GULP1: variants seen among roughly 807,000 people sequenced by gnomAD.
GULP1 encodes PTB domain-containing engulfment adapter protein 1.
In GULP1, 19 loss-of-function variants were observed where a neutral mutation model predicts 40.9. That is an observed-to-expected ratio of 0.46 (90% confidence interval 0.32 to 0.68). The LOEUF (loss-of-function observed/expected upper bound fraction) is 0.68, where lower values mean the gene tolerates loss of function less well. GULP1 is among the 30% of genes least tolerant of loss of function. The pLI is 0.03. For synonymous variants in GULP1, 119 were observed against 117.6 expected (o/e 1.01, Z -0.08); for missense variants, 312 against 362.2 (o/e 0.86, Z 1.12).
At chr2:188,483,706 T>A (rs532133124) in intron 4 of GULP1, among the ~76,000 whole-genome samples, 4 of 152,230 alleles carry the variant, frequency 2.6e-5, no homozygotes, top group Admixed American at 6.5e-5. Context: ...ACTGTTTTAG[T>A]CAAACGTGTT....
chr2:188,357,470 G>A lies in GULP1; in HGVS notation c.-171-26293G>A, dbSNP rs1339086545. Among the ~76,000 whole-genome samples the A allele has an allele frequency of 2.6e-5, 4 of 152,124 alleles. No individual in the cohort carries two copies. In the East Asian group the frequency reaches 5.8e-4, roughly 22 times the overall value. On this transcript the variant is annotated intron_variant, in intron 1 of 11. Coordinates refer to ENST00000409830, the MANE Select transcript of GULP1 (RefSeq NM_016315.4). ...AAACGCTTGACATCGCTAGTCATCA[G>A]GGTAGTGCATATCAAAACTATGATG... is the stretch of plus-strand genomic sequence containing the variant.
intron 2 of GULP1, among the ~76,000 whole-genome samples, chr2:188,407,438 A>G (rs971331693): frequency 6.6e-6 from 1 of 152,250 alleles, no homozygotes; most frequent in African/African-American, 2.4e-5. Context: ...AAAAAGTAGT[A>G]ATAACTACAA....
chr2:188,410,152 A>G (rs1366642868), intron 2 of GULP1, among the ~76,000 whole-genome samples: 2 of 152,196 alleles, frequency 1.3e-5, no homozygotes, highest in African/African-American at 2.4e-5. Context: ...ATGGAGAAGA[A>G]TGAAATTAGA....
At chr2:188,579,105 G>A (rs537250515) in intron 9 of GULP1, among the ~76,000 whole-genome samples, 1 of 152,032 alleles carries the variant, frequency 6.6e-6, no homozygotes. Context: ...TTTTTATAGG[G>A]AATTACATAT....
chr2:188,522,709 A>G, intron 4 of GULP1, 47 bp from the exon 5 acceptor site: 1 of 1,121,330 alleles, frequency 8.9e-7, no homozygotes, highest in Non-Finnish European at 1.4e-6. Context: ...TGATGCAATG[A>G]TATATGATAT....
In GULP1 at chr2:188,459,154, A is replaced by G. The variant is rs139758542; in HGVS notation, c.-44-18505A>G. ...TATTGTGAACAGAGCTGCAACAAAC[A>G]TGAAAGTGCAGTTATCGCTTTGACA... On this transcript the variant is annotated intron_variant, in intron 2 of 11. Coordinates refer to ENST00000409830, the MANE Select transcript of GULP1 (RefSeq NM_016315.4). Among the ~76,000 whole-genome samples the G allele has an allele frequency of 5.3e-5, 8 of 152,308 alleles. No individual in the cohort carries two copies. In the East Asian group the frequency reaches 1.5e-3, roughly 29 times the overall value.
chr2:188,348,523 C>A (rs968602576), intron 1 of GULP1, among the ~76,000 whole-genome samples: 1 of 152,136 alleles, frequency 6.6e-6, no homozygotes, highest in Non-Finnish European at 1.5e-5. Flanking sequence ...ATTCCTCTCC[C>A]ATGAAGATGG....
At chr2:188,555,864 G>A (rs1360438313) in intron 7 of GULP1, among the ~76,000 whole-genome samples, 1 of 149,344 alleles carries the variant, frequency 6.7e-6, no homozygotes, top group East Asian at 2.0e-4. Flanking sequence ...TTTGAGACCA[G>A]CCTGGCCAAT....
chr2:188,546,481 C>G (rs80183035), intron 7 of GULP1, among the ~76,000 whole-genome samples: 2 of 151,854 alleles, frequency 1.3e-5, no homozygotes, highest in African/African-American at 4.8e-5. Context: ...CATTAAATAG[C>G]GATTCACAAA....
At chr2:188,419,439 T>C (rs574709511) in intron 2 of GULP1, among the ~76,000 whole-genome samples, 53 of 152,296 alleles carry the variant, frequency 3.5e-4, no homozygotes, top group Non-Finnish European at 5.7e-4. Context: ...ATTTGCATTT[T>C]CCTGTTGGAT....
At chr2:188,359,168 A>G (rs1015422034) in intron 1 of GULP1, among the ~76,000 whole-genome samples, 1 of 152,152 alleles carries the variant, frequency 6.6e-6, no homozygotes, top group Non-Finnish European at 1.5e-5. Context: ...AAGTATCTGT[A>G]AGCTGATATG....
At chr2:188,560,776 T>C (rs1011941670) in intron 7 of GULP1, among the ~76,000 whole-genome samples, 1 of 152,164 alleles carries the variant, frequency 6.6e-6, no homozygotes, top group Non-Finnish European at 1.5e-5. Flanking sequence ...GGTGCAGCCA[T>C]GGCTTACATG....
In GULP1 at chr2:188,367,214, T is replaced by A. The variant is rs190647039; in HGVS notation, c.-171-16549T>A. On this transcript the variant is annotated intron_variant, in intron 1 of 11. Coordinates refer to ENST00000409830, the MANE Select transcript of GULP1 (RefSeq NM_016315.4). ...AATGAATACATTTCAGTTACTGGAA[T>A]GATGTCCCACTGTTTATAGTTTTTC... is the stretch of plus-strand genomic sequence containing the variant. Among the ~76,000 whole-genome samples, 48 of 152,356 alleles carry A rather than the reference T, an allele frequency of 3.2e-4. No homozygotes were observed. In the East Asian group the frequency reaches 9.1e-3, roughly 29 times the overall value.
chr2:188,364,928 G>GTATATA (rs34653781), intron 1 of GULP1, among the ~76,000 whole-genome samples: 1 of 148,384 alleles, frequency 6.7e-6, no homozygotes, highest in Non-Finnish European at 1.5e-5. Context: ...ATATATATGT[G>GTATATA]TATATATATA....
At chr2:188,343,747 G>C (rs1182516851) in intron 1 of GULP1, among the ~76,000 whole-genome samples, 1 of 152,100 alleles carries the variant, frequency 6.6e-6, no homozygotes, top group African/African-American at 2.4e-5. Context: ...CCTATACTGT[G>C]ATCTAAGTTC....
chr2:188,360,365 C>T (rs2045924541), intron 1 of GULP1, among the ~76,000 whole-genome samples: 1 of 152,166 alleles, frequency 6.6e-6, no homozygotes, highest in East Asian at 1.9e-4. Flanking sequence ...CCATAGGCAA[C>T]TCAATATTTT....
intron 7 of GULP1, among the ~76,000 whole-genome samples, chr2:188,556,370 T>C (rs969857862): frequency 1.3e-5 from 2 of 152,156 alleles, no homozygotes; most frequent in Non-Finnish European, 2.9e-5. Context: ...AGTCCTTAAG[T>C]TCTAGAATTT....
chr2:188,372,245 G>A (rs995190740), intron 1 of GULP1, among the ~76,000 whole-genome samples: 1 of 152,076 alleles, frequency 6.6e-6, no homozygotes, highest in Non-Finnish European at 1.5e-5. Flanking sequence ...TAGTTCTCCA[G>A]AGGAGTTACC....
At chr2:188,343,871 C>T (rs2043282827) in intron 1 of GULP1, among the ~76,000 whole-genome samples, 2 of 152,110 alleles carry the variant, frequency 1.3e-5, no homozygotes, top group African/African-American at 2.4e-5. Flanking sequence ...GGCGTGATCT[C>T]GGCTCACTAC....
Sources: allele counts gnomAD v4.1 joint callset (sites outside exome capture counted in the v4.1 genomes callset), GRCh38; gene constraint gnomAD v4.1.1; transcripts MANE v1.5; gene names NCBI Gene and HGNC (gene_info 2026-07-23, HGNC 2026-07-21).